The following ZNF827 variants were observed in gnomAD, a reference collection of about 807,000 sequenced individuals.
ZNF827 encodes the protein zinc finger protein 827.
A neutral mutation model predicts 102.4 loss-of-function variants in ZNF827; 13 were observed. The ratio of observed to expected loss-of-function variants is 0.13; its 90% CI spans 0.08 to 0.20. The LOEUF (loss-of-function observed/expected upper bound fraction) is 0.20. ZNF827 is among the 10% of genes least tolerant of loss of function. ZNF827 has a pLI of 1.00. For missense variants in ZNF827, 1,103 were observed against 1,344.4 expected, an observed-to-expected ratio of 0.82 and a Z score of 2.81; for synonymous variants, 523 against 536.2, an observed-to-expected ratio of 0.98 and a Z score of 0.34.
At chr4:145,865,410 CACTTCCTCAGCACAGTGCT>C (rs1748096419) in intron 5 of ZNF827, among the ~76,000 whole-genome samples, 1 of 152,146 alleles carries the variant, frequency 6.6e-6, no homozygotes, top group Non-Finnish European at 1.5e-5. Flanking sequence ...TCCAATTAAC[CACTTCCTCAGCACAGTGCT>C]TCTCAAACCT....
intron 8 of ZNF827, among the ~76,000 whole-genome samples, chr4:145,792,891 C>A (rs1471559343): frequency 6.6e-6 from 1 of 151,962 alleles, no homozygotes; most frequent in Non-Finnish European, 1.5e-5. Context: ...AAATAATAAA[C>A]TGCAAAATAT....
At chr4:145,913,671 C>A (rs1397660570) in intron 1 of ZNF827, among the ~76,000 whole-genome samples, 1 of 152,128 alleles carries the variant, frequency 6.6e-6, no homozygotes, top group Non-Finnish European at 1.5e-5. Context: ...CCCTTTCATG[C>A]ACCTCTTATT....
intron 8 of ZNF827, among the ~76,000 whole-genome samples, chr4:145,816,975 A>G (rs1269659172): frequency 1.3e-5 from 2 of 152,230 alleles, no homozygotes; most frequent in East Asian, 1.9e-4. Context: ...GTGCACTCCT[A>G]TTAGCCTGAA....
intron 1 of ZNF827, among the ~76,000 whole-genome samples, chr4:145,935,339 A>G (rs187346618): frequency 2.6e-5 from 4 of 152,332 alleles, no homozygotes; most frequent in East Asian, 1.9e-4. Context: ...CCCAAAGTCA[A>G]TAATTACTAC....
At chr4:145,935,435 C>T (rs1754088780) in intron 1 of ZNF827, among the ~76,000 whole-genome samples, 1 of 152,174 alleles carries the variant, frequency 6.6e-6, no homozygotes, top group Admixed American at 6.5e-5. Flanking sequence ...ACACCATTTG[C>T]CCAGAAATTG....
intron 7 of ZNF827, among the ~76,000 whole-genome samples, chr4:145,828,007 C>T (rs929468752): frequency 1.1e-4 from 17 of 152,206 alleles, no homozygotes; most frequent in African/African-American, 3.9e-4. Context: ...GCTGACACCT[C>T]GTTCATGCTG....
intron 5 of ZNF827, among the ~76,000 whole-genome samples, chr4:145,851,486 G>A (rs1014882344): frequency 1.9e-4 from 29 of 151,942 alleles, no homozygotes. Context: ...TCAAATACAC[G>A]TATATAGTTT....
intron 6 of ZNF827, among the ~76,000 whole-genome samples, chr4:145,846,304 C>T (rs1361795366): frequency 6.6e-6 from 1 of 151,692 alleles, no homozygotes; most frequent in African/African-American, 2.4e-5. Context: ...CAGTGAAACA[C>T]CGTCTCTACT....
intron 1 of ZNF827, among the ~76,000 whole-genome samples, chr4:145,937,142 G>A (rs995035136): frequency 6.6e-6 from 1 of 152,250 alleles, no homozygotes; most frequent in African/African-American, 2.4e-5. Context: ...AGACTGGGGG[G>A]TTGGGGGGAG....
intron 1 of ZNF827, among the ~76,000 whole-genome samples, chr4:145,922,186 G>C (rs1291561968): frequency 6.6e-6 from 1 of 152,152 alleles, no homozygotes; most frequent in Non-Finnish European, 1.5e-5. Context: ...AGCTGAAGAC[G>C]CACATGCACC....
intron 7 of ZNF827, among the ~76,000 whole-genome samples, chr4:145,844,423 T>A (rs1745713477): frequency 6.7e-6 from 1 of 149,814 alleles, no homozygotes; most frequent in Admixed American, 6.8e-5. Context: ...CTCACCCCTG[T>A]AATCCCAGCA....
intron 1 of ZNF827, among the ~76,000 whole-genome samples, chr4:145,917,973 G>A (rs1230271330): frequency 6.6e-6 from 1 of 152,072 alleles, no homozygotes; most frequent in East Asian, 1.9e-4. Flanking sequence ...TTTAAAAGGA[G>A]AGTGAAAATA....
In ZNF827 at chr4:145,806,469, C is replaced by G. The variant is rs555371644; in HGVS notation, c.2383+16953G>C. The stretch of plus-strand genomic sequence containing the variant: ...TTGTGCTGGGCCATGAATGAATGAA[C>G]TTTCTTTTCACCCCAGTGATATGCA... On this transcript the variant is annotated intron_variant, in intron 8 of 14. Coordinates refer to ENST00000508784, the MANE Select transcript of ZNF827 (RefSeq NM_001306215.2). Among the ~76,000 whole-genome samples the G allele has an allele frequency of 7.9e-4, 121 of 152,204 alleles. 2 individuals are homozygous for G. Among genetic ancestry groups the G allele is most frequent in the South Asian group, 2.1e-3 (10 of 4,814 alleles).
intron 9 of ZNF827, 138 bp downstream of exon 9, chr4:145,779,236 C>A: frequency 8.6e-7 from 1 of 1,166,512 alleles, no homozygotes; most frequent in South Asian, 1.8e-5. Flanking sequence ...TTTAAACATG[C>A]CAGAGAAAAT....
chr4:145,888,358 T>C (rs972067711), intron 3 of ZNF827, among the ~76,000 whole-genome samples: 3 of 152,254 alleles, frequency 2.0e-5, no homozygotes, highest in African/African-American at 7.2e-5. Context: ...TTTAAAGATC[T>C]TCTTAGTCTA....
intron 11 of ZNF827, among the ~76,000 whole-genome samples, chr4:145,766,482 C>T (rs1212385130): frequency 6.6e-6 from 1 of 152,218 alleles, no homozygotes; most frequent in Non-Finnish European, 1.5e-5. Context: ...GATCAGTTTC[C>T]TGCCTTGAGA....
intron 8 of ZNF827, among the ~76,000 whole-genome samples, chr4:145,797,249 G>A (rs188797679): frequency 1.5e-4 from 23 of 152,266 alleles, no homozygotes; most frequent in Non-Finnish European, 2.9e-4. Flanking sequence ...TATCAGGCTC[G>A]AATCCGAACT....
At chr4:145,778,472 A>G (rs1737451276) in intron 9 of ZNF827, among the ~76,000 whole-genome samples, 1 of 152,086 alleles carries the variant, frequency 6.6e-6, no homozygotes, top group Admixed American at 6.5e-5. Flanking sequence ...AGCTGGGCAT[A>G]GTGGCAGCGT....
chr4:145,925,757 C>A (rs1169910452), intron 1 of ZNF827, among the ~76,000 whole-genome samples: 1 of 152,188 alleles, frequency 6.6e-6, no homozygotes, highest in Non-Finnish European at 1.5e-5. Flanking sequence ...CCAAGCAAAG[C>A]AGTACTTTAG....
Sources: gnomAD v4.1 joint callset for allele counts (sites outside exome capture counted in the v4.1 genomes callset) on GRCh38, gnomAD v4.1.1 for gene constraint, MANE v1.5 for transcripts, NCBI Gene and HGNC (gene_info 2026-07-23, HGNC 2026-07-21) for gene names.